Variants in TRPM7 observed in about 807,000 individuals in gnomAD.
The protein encoded by TRPM7 is LTRPC ion channel family member 7.
Under a neutral mutation model 229.7 loss-of-function variants are expected in TRPM7, and 134 were observed. The ratio of observed to expected loss-of-function variants is 0.58; its 90% CI spans 0.51 to 0.67. The LOEUF (loss-of-function observed/expected upper bound fraction) is 0.67. Ranked by LOEUF, TRPM7 falls within the 30% of genes least tolerant of loss-of-function variation. The pLI is 0.00. For synonymous variants in TRPM7, 699 were observed against 715.2 expected (o/e 0.98, Z 0.36); for missense variants, 1,901 against 2,210.0 (o/e 0.86, Z 2.80).
In TRPM7 at chr15:50,679,693, G is replaced by A. The variant is rs551708883; in HGVS notation, c.3+6838C>T. On this transcript the variant is annotated intron_variant, in intron 1 of 38. Transcript: ENST00000646667. ...TGGGATTACAGGCGCACACCATCAC[G>A]TCCAGCTGATTTTTATATTTTTAGT... 2.0e-5 allele frequency among the ~76,000 whole-genome samples: 3 copies of A among 150,536 alleles called. No homozygotes were observed. In the East Asian group the frequency reaches 5.9e-4, roughly 30 times the overall value.
intron 26 of TRPM7, 38 bp from the exon 27 acceptor site, chr15:50,589,694 T>A: frequency 7.0e-7 from 1 of 1,429,538 alleles, no homozygotes; most frequent in South Asian, 1.2e-5. Context: ...GAGAAATTTT[T>A]ATTTTTCTTC....
At chr15:50,671,812 A>T (rs1416660412) in intron 1 of TRPM7, among the ~76,000 whole-genome samples, 2 of 152,126 alleles carry the variant, frequency 1.3e-5, no homozygotes, top group Non-Finnish European at 1.5e-5. Flanking sequence ...TCGAAAAAAA[A>T]AAATTCCTAT....
Position 50,609,710 on chromosome 15 carries a change from T to C in TRPM7, c.2451A>G (p.Glu817=), listed in dbSNP as rs766253483. ...CTTCATTACTATCCAAAATCCGTAC[T>C]TCTTTAAACACTTCCTAAAATTAAA... ...TEEIPMEVFK[E]VRILDSNEGK... is the part of the protein sequence containing the mutation. The change falls in exon 19 of 39, where the codon GAA becomes GAG. Residue 817 remains glutamate (E), a synonymous_variant. Coordinates refer to ENST00000646667, the MANE Select transcript of TRPM7 (RefSeq NM_017672.6). The C allele has an allele frequency of 2.5e-6, 4 of 1,584,616 alleles. No individual in the cohort carries two copies. In the East Asian group the frequency reaches 9.0e-5, roughly 36 times the overall value.
At position 50,596,238 on chromosome 15, in the gene TRPM7, T is replaced by C. The variant is rs199918153; in HGVS notation, c.3290+17A>G. 49 of 1,449,882 alleles carry C rather than the reference T, an allele frequency of 3.4e-5. 1 individual carries two copies. The highest frequency in any genetic ancestry group is 1.6e-4 in the South Asian group (11 of 68,912). The allele number at this position is 1,449,882 out of a possible 1,614,324, so 89.8% of individuals were successfully genotyped here. On this transcript the variant is annotated intron_variant, in intron 23 of 38. Transcript: ENST00000646667. ...TATTAAATCATCTTATAACAAACAATTGAACAAAATTCTTACTTGAAAAAT... is the reference window on the plus strand; with the variant it reads ...TATTAAATCATCTTATAACAAACAACTGAACAAAATTCTTACTTGAAAAAT...
intron 21 of TRPM7, chr15:50,603,838 C>T (rs377484048): frequency 6.6e-6 from 1 of 152,088 alleles, no homozygotes; most frequent in Non-Finnish European, 1.5e-5. Context: ...AATTGAGAAA[C>T]AGCATGTATT....
intron 1 of TRPM7, among the ~76,000 whole-genome samples, chr15:50,675,266 C>T (rs1345988323): frequency 6.6e-6 from 1 of 151,956 alleles, no homozygotes; most frequent in Non-Finnish European, 1.5e-5. Flanking sequence ...TCGACTGAAC[C>T]CAGGACACAG....
In TRPM7 at chr15:50,611,066, T is replaced by TTATA. The variant is rs1370552865; in HGVS notation, c.2280+23_2280+26dup. ...TGTTCTTTTTATCTAATCACATGCT[T>TTATA]TATATCAAATTATTTCTAAAGTATA... On this transcript the variant is annotated intron_variant, in intron 17 of 38. Transcript: ENST00000646667. The TTATA allele has an allele frequency of 2.6e-6, 4 of 1,534,892 alleles. No homozygotes were observed. The South Asian group carries it at 3.4e-5, about 13-fold the overall frequency.
intron 22 of TRPM7, among the ~76,000 whole-genome samples, chr15:50,596,724 GATA>G (rs1364413280): frequency 6.6e-6 from 1 of 152,198 alleles, no homozygotes; most frequent in Non-Finnish European, 1.5e-5. Context: ...TCAACCATAT[GATA>G]ATATTTCTGT....
At chr15:50,680,049 C>T (rs755498208) in intron 1 of TRPM7, among the ~76,000 whole-genome samples, 3 of 151,956 alleles carry the variant, frequency 2.0e-5, no homozygotes, top group Non-Finnish European at 2.9e-5. Context: ...GCCTGGTCAA[C>T]ATGGTGAAAC....
chr15:50,659,188 G>A lies in TRPM7; in HGVS notation c.84-1369C>T, dbSNP rs536837850. Among the ~76,000 whole-genome samples the A allele has an allele frequency of 1.1e-4, 15 of 141,752 alleles. No individual in the cohort carries two copies. In the East Asian group the frequency reaches 1.2e-3, roughly 12 times the overall value. The allele number at this position is 141,752 out of a possible 152,430, so 93.0% of individuals were successfully genotyped here. A position where few individuals can be genotyped will look rare whatever the true frequency, so the allele number is the denominator to read the frequency against. The stretch of plus-strand genomic sequence containing the variant: ...AGCCTGGATGACAGAGCGAGACTCC[G>A]TCTCAAAAAAAAAAAAAAAGAAAGA... On this transcript the variant is annotated intron_variant, in intron 2 of 38. Coordinates refer to ENST00000646667, the MANE Select transcript of TRPM7 (RefSeq NM_017672.6).
rs527767747 is a variant in TRPM7 at position 50,596,783 on chromosome 15, C to T, written c.3164-402G>A. On this transcript the variant is annotated intron_variant, in intron 22 of 38. Coordinates refer to ENST00000646667, the MANE Select transcript of TRPM7 (RefSeq NM_017672.6). ...TTTTTTCCCCTGAGACGGAGTCTTG[C>T]TCTGTCACCCAGGCTGGAGTGCAGT... Among the ~76,000 whole-genome samples, 34 of 152,262 alleles carry T rather than the reference C, an allele frequency of 2.2e-4. 1 individual carries two copies. The highest frequency in any genetic ancestry group is 2.0e-3 in the Admixed American group (31 of 15,306).
chr15:50,572,829 C>T (rs1262889653), intron 36 of TRPM7, among the ~76,000 whole-genome samples: 6 of 152,198 alleles, frequency 3.9e-5, no homozygotes, highest in Non-Finnish European at 8.8e-5. Context: ...TATACCTGTA[C>T]ACTAAAGAGT....
chr15:50,595,547 A>T (rs2059610281), intron 23 of TRPM7, among the ~76,000 whole-genome samples: 1 of 152,024 alleles, frequency 6.6e-6, no homozygotes, highest in Non-Finnish European at 1.5e-5. Context: ...TGCTTTGCTT[A>T]GTTATAAAAC....
chr15:50,641,190 T>A (rs1268694476), intron 5 of TRPM7, among the ~76,000 whole-genome samples: 1 of 152,070 alleles, frequency 6.6e-6, no homozygotes, highest in African/African-American at 2.4e-5. Context: ...AACCTCCTCT[T>A]CTCATTCAGA....
At chr15:50,600,012 T>C (rs1379724162) in intron 21 of TRPM7, among the ~76,000 whole-genome samples, 1 of 152,222 alleles carries the variant, frequency 6.6e-6, no homozygotes, top group Non-Finnish European at 1.5e-5. Context: ...AATGTACATT[T>C]TGACATAATT....
intron 7 of TRPM7, among the ~76,000 whole-genome samples, chr15:50,635,637 T>C (rs1231577556): frequency 4.8e-5 from 5 of 103,322 alleles, no homozygotes; most frequent in Admixed American, 2.6e-4. Flanking sequence ...CACTCCAGCC[T>C]GAGCAACAGA....
chr15:50,643,288 A>G (rs2061160455), intron 5 of TRPM7, 52 bp downstream of exon 5: 1 of 1,092,776 alleles, frequency 9.2e-7, no homozygotes, highest in Non-Finnish European at 1.3e-6. Flanking sequence ...AGTCCGTCTC[A>G]AAAAAAAAAA....
intron 20 of TRPM7, among the ~76,000 whole-genome samples, chr15:50,605,996 C>T (rs1043583027): frequency 1.3e-5 from 2 of 151,950 alleles, no homozygotes; most frequent in African/African-American, 4.8e-5. Context: ...AAGTACAACA[C>T]CTTCTAATTA....
chr15:50,605,745 T>C (rs1157475442), intron 20 of TRPM7, among the ~76,000 whole-genome samples: 1 of 152,218 alleles, frequency 6.6e-6, no homozygotes, highest in African/African-American at 2.4e-5. Flanking sequence ...TCATGAACAC[T>C]TGCAGAGCTA....
Sources: allele counts gnomAD v4.1 joint callset (sites outside exome capture counted in the v4.1 genomes callset), GRCh38; gene constraint gnomAD v4.1.1; transcripts MANE v1.5; gene names NCBI Gene and HGNC (gene_info 2026-07-23, HGNC 2026-07-21).